KLF12: variants seen among roughly 807,000 people sequenced by gnomAD.
KLF12 encodes the protein KLF transcription factor 12, also known as Krueppel-like factor 12.
A neutral mutation model predicts 37.8 loss-of-function variants in KLF12; 9 were observed. The observed-to-expected ratio is 0.24, with a 90% CI of 0.14 to 0.42. The LOEUF (loss-of-function observed/expected upper bound fraction) is 0.42. Among genes scored for constraint, KLF12 ranks in the 10% least tolerant of loss-of-function variants. The probability of loss-of-function intolerance (pLI) is 1.00; values close to 1 mark genes in which losing one functional copy is unlikely to be tolerated. For synonymous variants in KLF12, 208 were observed against 202.1 expected (o/e 1.03, Z -0.25); for missense variants, 411 against 516.0 (o/e 0.80, Z 1.97).
chr13:73,872,416 G>C (rs1336983423), intron 3 of KLF12, among the ~76,000 whole-genome samples: 2 of 152,192 alleles, frequency 1.3e-5, no homozygotes, highest in South Asian at 2.1e-4. Flanking sequence ...AAGATGGTTA[G>C]ACAGTATATG....
chr13:73,935,065 C>T (rs1274640925), intron 3 of KLF12, among the ~76,000 whole-genome samples: 1 of 151,866 alleles, frequency 6.6e-6, no homozygotes, highest in African/African-American at 2.4e-5. Context: ...TTGCACCCTC[C>T]ACCTCCCGGG....
chr13:73,944,442 TTGTGC>T (rs1206714697), intron 2 of KLF12, among the ~76,000 whole-genome samples: 1 of 152,218 alleles, frequency 6.6e-6, no homozygotes, highest in African/African-American at 2.4e-5. Flanking sequence ...GGAAATTGCA[TTGTGC>T]AAAGATATCC....
At chr13:73,867,092 C>T (rs1212515209) in intron 3 of KLF12, among the ~76,000 whole-genome samples, 3 of 151,922 alleles carry the variant, frequency 2.0e-5, no homozygotes, top group Admixed American at 6.6e-5. Flanking sequence ...AAAAAGCATA[C>T]AGTGTGATGG....
At chr13:73,734,566 A>C (rs1877308548) in intron 6 of KLF12, among the ~76,000 whole-genome samples, 3 of 152,054 alleles carry the variant, frequency 2.0e-5, no homozygotes, top group Admixed American at 1.3e-4. Context: ...ATAGATGGCA[A>C]AAGATTCTTT....
chr13:74,112,734 G>A (rs1174105707), intron 1 of KLF12, among the ~76,000 whole-genome samples: 1 of 151,864 alleles, frequency 6.6e-6, no homozygotes, highest in Non-Finnish European at 1.5e-5. Flanking sequence ...ACTAAAATTG[G>A]GCCAATTAAT....
At chr13:73,975,012 T>A (rs576671338) in intron 2 of KLF12, among the ~76,000 whole-genome samples, 1 of 152,358 alleles carries the variant, frequency 6.6e-6, no homozygotes, top group East Asian at 1.9e-4. Context: ...AAGGGAATCT[T>A]AAAACTCAAG....
chr13:74,219,426 T>A, the KLF12 span, among the ~76,000 whole-genome samples: 1 of 152,234 alleles, frequency 6.6e-6, no homozygotes, highest in Non-Finnish European at 1.5e-5. Context: ...TCATATTTCA[T>A]TTCAATAATC....
chr13:74,266,423 C>T, the KLF12 span, among the ~76,000 whole-genome samples: 1 of 152,172 alleles, frequency 6.6e-6, no homozygotes, highest in Non-Finnish European at 1.5e-5. Context: ...GAATCCACAG[C>T]AGTACTCCCT....
At chr13:73,703,176 C>A (rs1359812926) in intron 7 of KLF12, among the ~76,000 whole-genome samples, 1 of 152,054 alleles carries the variant, frequency 6.6e-6, no homozygotes, top group African/African-American at 2.4e-5. Context: ...TGTTGGGAAA[C>A]TCAAAAATAC....
chr13:74,222,075 C>A, the KLF12 span, among the ~76,000 whole-genome samples: 1 of 152,174 alleles, frequency 6.6e-6, no homozygotes, highest in Non-Finnish European at 1.5e-5. Flanking sequence ...TGAATGTCTA[C>A]GTAGGTATTT....
rs1873994213 is a variant in KLF12 at position 73,694,402 on chromosome 13, T to C, written c.*1088A>G. ...GACACCTAAAATGCTGGGGTGTTTT[T>C]TACAATCCCTTTAGTAAGTATGAAA... is the stretch of plus-strand genomic sequence containing the variant. On this transcript the variant is annotated 3_prime_UTR_variant, in exon 8 of 8. Transcript: ENST00000377669. 1 of 152,654 alleles carries C rather than the reference T, an allele frequency of 6.6e-6. No individual in the cohort carries two copies. Among genetic ancestry groups the C allele is most frequent in the Non-Finnish European group, 1.5e-5 (1 of 68,050 alleles). 9.5% of individuals were successfully genotyped at this position (152,654 alleles called of 1,614,324 possible).
intron 6 of KLF12, among the ~76,000 whole-genome samples, chr13:73,736,217 C>T (rs1877455776): frequency 6.6e-6 from 1 of 152,090 alleles, no homozygotes; most frequent in African/African-American, 2.4e-5. Flanking sequence ...ACTTATCTCC[C>T]AGCCATCAAA....
intron 4 of KLF12, among the ~76,000 whole-genome samples, chr13:73,841,425 CAT>C (rs1042553246): frequency 1.1e-4 from 16 of 152,088 alleles, no homozygotes; most frequent in Non-Finnish European, 1.8e-4. Flanking sequence ...AAAAAAGTCT[CAT>C]AATGTTTTAA....
At chr13:74,097,697 C>T (rs1008992537) in intron 1 of KLF12, among the ~76,000 whole-genome samples, 2 of 150,022 alleles carry the variant, frequency 1.3e-5, no homozygotes, top group East Asian at 1.9e-4. Context: ...ATTTTATATA[C>T]ATATATATAT....
intron 3 of KLF12, among the ~76,000 whole-genome samples, chr13:73,923,964 T>C (rs982056984): frequency 6.6e-6 from 1 of 152,208 alleles, no homozygotes; most frequent in Non-Finnish European, 1.5e-5. Context: ...TATCAAATGA[T>C]ACTACATGTG....
chr13:74,274,160 A>G, the KLF12 span, among the ~76,000 whole-genome samples: 1 of 152,152 alleles, frequency 6.6e-6, no homozygotes, highest in South Asian at 2.1e-4. Context: ...TCTGGTAAGG[A>G]AATACTTTTC....
chr13:74,302,915 C>CG, the KLF12 span, among the ~76,000 whole-genome samples: 2 of 152,070 alleles, frequency 1.3e-5, no homozygotes, highest in Admixed American at 1.3e-4. Flanking sequence ...GGGTCAGGGC[C>CG]TCCTAATTTT....
the KLF12 span, among the ~76,000 whole-genome samples, chr13:74,180,551 A>G: frequency 6.6e-6 from 1 of 152,194 alleles, no homozygotes; most frequent in Non-Finnish European, 1.5e-5. Flanking sequence ...TGGCATATGT[A>G]AGATGAAACA....
the KLF12 span, among the ~76,000 whole-genome samples, chr13:74,141,081 C>A: frequency 1.3e-5 from 2 of 151,480 alleles, no homozygotes; most frequent in Non-Finnish European, 2.9e-5. Context: ...AAAAAAGAAA[C>A]GAGGATTGGA....
Sources: gnomAD v4.1 joint callset for allele counts (sites outside exome capture counted in the v4.1 genomes callset) on GRCh38, gnomAD v4.1.1 for gene constraint, MANE v1.5 for transcripts, NCBI Gene and HGNC (gene_info 2026-07-23, HGNC 2026-07-21) for gene names.